MACROD2: variants seen among roughly 807,000 people sequenced by gnomAD.
MACROD2 encodes ADP-ribose glycohydrolase MACROD2.
A neutral mutation model predicts 70.4 loss-of-function variants in MACROD2; 36 were observed. The ratio of observed to expected loss-of-function variants is 0.51; its 90% CI spans 0.39 to 0.68. The LOEUF is 0.68. MACROD2 is among the 30% of genes least tolerant of loss of function. The pLI is 0.00. For synonymous variants in MACROD2, 172 were observed against 178.8 expected (o/e 0.96, Z 0.30); for missense variants, 496 against 538.4 (o/e 0.92, Z 0.78).
At chr20:15,951,025 G>C (rs2065896319) in intron 12 of MACROD2, among the ~76,000 whole-genome samples, 1 of 152,124 alleles carries the variant, frequency 6.6e-6, no homozygotes, top group Non-Finnish European at 1.5e-5. Flanking sequence ...AAGAACTCAA[G>C]AACGCAGTTT....
intron 8 of MACROD2, among the ~76,000 whole-genome samples, chr20:15,635,799 G>A (rs1415762974): frequency 6.6e-6 from 1 of 151,250 alleles, no homozygotes; most frequent in African/African-American, 2.4e-5. Flanking sequence ...TGGGCACGGT[G>A]GCTCACACCT....
At chr20:15,278,011 T>G (rs979032741) in intron 6 of MACROD2, among the ~76,000 whole-genome samples, 2 of 152,152 alleles carry the variant, frequency 1.3e-5, no homozygotes. Flanking sequence ...TAAACTATAC[T>G]AATAAAATTC....
rs1011335669 is a variant in MACROD2, at chr20:14,009,434, C to G, written c.163+7030C>G. On this transcript the variant is annotated intron_variant, in intron 2 of 17. Transcript: ENST00000684519. The stretch of plus-strand genomic sequence containing the variant: ...ACCACAATGTGATACCAACTCACAC[C>G]AGTCTGAATGGCTATCATTAAAAAG... 3.3e-5 allele frequency among the ~76,000 whole-genome samples: 5 copies of G among 152,144 alleles called. No individual in the cohort carries two copies. The East Asian group carries it at 7.7e-4, about 23-fold the overall frequency.
At chr20:15,771,724 GC>G in intron 8 of MACROD2, among the ~76,000 whole-genome samples, 1 of 151,964 alleles carries the variant, frequency 6.6e-6, no homozygotes, top group Non-Finnish European at 1.5e-5. Flanking sequence ...TTATTTGCAA[GC>G]TTTGACTAGA....
chr20:14,712,221 G>C, intron 5 of MACROD2, among the ~76,000 whole-genome samples: 1 of 152,010 alleles, frequency 6.6e-6, no homozygotes, highest in East Asian at 1.9e-4. Flanking sequence ...CTTCTATATA[G>C]GGGAGTTATT....
At chr20:15,221,102 A>C (rs1481983296) in intron 5 of MACROD2, among the ~76,000 whole-genome samples, 1 of 152,118 alleles carries the variant, frequency 6.6e-6, no homozygotes, top group African/African-American at 2.4e-5. Flanking sequence ...TGCAGTGGGG[A>C]CTAATATTCA....
rs181134364 is a variant in MACROD2 at position 15,850,719 on chromosome 20, C to T, written c.646-12026C>T. Among the ~76,000 whole-genome samples the T allele has an allele frequency of 2.4e-3, 366 of 152,258 alleles. 1 individual carries two copies. Among genetic ancestry groups the T allele is most frequent in the Non-Finnish European group, 4.5e-3 (307 of 68,010 alleles). ...TGATGGCAGTCACTGCACGGTTGCC[C>T]TCGGAGCCAGTTTCCTGTCCTTTGA... On this transcript the variant is annotated intron_variant, in intron 8 of 17. Coordinates refer to ENST00000684519, the MANE Select transcript of MACROD2 (RefSeq NM_001351661.2).
intron 15 of MACROD2, among the ~76,000 whole-genome samples, chr20:16,017,034 G>C (rs1437818291): frequency 1.3e-5 from 2 of 152,056 alleles, no homozygotes; most frequent in Admixed American, 6.6e-5. Context: ...TGGTTCCCTT[G>C]CTTTATCTGT....
intron 4 of MACROD2, among the ~76,000 whole-genome samples, chr20:14,596,425 A>G (rs1982150785): frequency 6.7e-6 from 1 of 148,950 alleles, no homozygotes; most frequent in African/African-American, 2.4e-5. Context: ...ATATATATAT[A>G]TATATATATG....
intron 6 of MACROD2, among the ~76,000 whole-genome samples, chr20:15,366,092 A>G (rs2045405188): frequency 1.3e-5 from 2 of 152,202 alleles, no homozygotes; most frequent in Non-Finnish European, 2.9e-5. Flanking sequence ...GAGAACAGAG[A>G]GGGATTATTA....
chr20:15,367,209 G>A (rs2045423136), intron 6 of MACROD2, among the ~76,000 whole-genome samples: 2 of 151,782 alleles, frequency 1.3e-5, no homozygotes, highest in Non-Finnish European at 2.9e-5. Context: ...TGTATTTTTA[G>A]TAGAGACAGG....
At chr20:15,184,033 G>C (rs891896039) in intron 5 of MACROD2, among the ~76,000 whole-genome samples, 1 of 152,184 alleles carries the variant, frequency 6.6e-6, no homozygotes, top group Non-Finnish European at 1.5e-5. Context: ...TATTTAAAGG[G>C]ATCAGATGCT....
At chr20:14,299,966 T>G (rs2082461020) in intron 3 of MACROD2, among the ~76,000 whole-genome samples, 1 of 152,214 alleles carries the variant, frequency 6.6e-6, no homozygotes, top group Non-Finnish European at 1.5e-5. Context: ...AATTTAGGAT[T>G]GTAATGTCAC....
chr20:15,091,127 A>T (rs532663435), intron 5 of MACROD2, among the ~76,000 whole-genome samples: 480 of 152,168 alleles, frequency 3.2e-3, no homozygotes, highest in Non-Finnish European at 4.9e-3. Context: ...AATTGCAATT[A>T]ATCTGCAGTT....
chr20:15,613,267 C>G (rs1172487672), intron 8 of MACROD2, among the ~76,000 whole-genome samples: 1 of 152,142 alleles, frequency 6.6e-6, no homozygotes, highest in Non-Finnish European at 1.5e-5. Flanking sequence ...AAATTTCCAA[C>G]GTCTTTGTCT....
At chr20:14,149,093 C>A (rs1195222470) in intron 3 of MACROD2, among the ~76,000 whole-genome samples, 2 of 151,842 alleles carry the variant, frequency 1.3e-5, no homozygotes, top group African/African-American at 4.8e-5. Context: ...GAGCATAGTA[C>A]CCCCAAATTA....
intron 8 of MACROD2, among the ~76,000 whole-genome samples, chr20:15,849,299 G>C (rs1281036643): frequency 6.6e-6 from 1 of 152,096 alleles, no homozygotes; most frequent in Admixed American, 6.5e-5. Flanking sequence ...GGAGTGGGAG[G>C]GACATCAGCT....
At chr20:14,180,860 T>C (rs2081299799) in intron 3 of MACROD2, among the ~76,000 whole-genome samples, 1 of 152,152 alleles carries the variant, frequency 6.6e-6, no homozygotes, top group South Asian at 2.1e-4. Flanking sequence ...TGTCTTGTGT[T>C]TCATATTTTA....
chr20:14,086,315 T>C (rs562004348), intron 3 of MACROD2: 2 of 266,446 alleles, frequency 7.5e-6, no homozygotes, highest in African/African-American at 4.4e-5. Context: ...ACAGATGTTA[T>C]ATTTTATTAT....
Sources: gnomAD v4.1 joint callset for allele counts (sites outside exome capture counted in the v4.1 genomes callset) on GRCh38, gnomAD v4.1.1 for gene constraint, MANE v1.5 for transcripts, NCBI Gene and HGNC (gene_info 2026-07-23, HGNC 2026-07-21) for gene names.